Variants in NRCAM observed in about 807,000 individuals in gnomAD.
NRCAM encodes the protein NgCAM-related cell adhesion molecule.
A neutral mutation model predicts 156.5 loss-of-function variants in NRCAM; 83 were observed. The observed-to-expected ratio is 0.53, with a 90% CI of 0.44 to 0.64. The LOEUF (loss-of-function observed/expected upper bound fraction) is 0.64, where lower values mean the gene tolerates loss of function less well. Ranked by LOEUF, NRCAM falls within the 30% of genes least tolerant of loss-of-function variation. NRCAM has a pLI of 0.00. For synonymous variants in NRCAM, 538 were observed against 563.9 expected, an observed-to-expected ratio of 0.95 and a Z score of 0.65; for missense variants, 1,417 against 1,597.3, an observed-to-expected ratio of 0.89 and a Z score of 1.92.
At chr7:108,295,958 G>A (rs2098446481) in intron 3 of NRCAM, among the ~76,000 whole-genome samples, 1 of 152,226 alleles carries the variant, frequency 6.6e-6, no homozygotes, top group African/African-American at 2.4e-5. Context: ...GCACATGACT[G>A]CATTTGAAAA....
chr7:108,339,518 G>T (rs945427483), intron 2 of NRCAM, among the ~76,000 whole-genome samples: 1 of 152,182 alleles, frequency 6.6e-6, no homozygotes, highest in Non-Finnish European at 1.5e-5. Flanking sequence ...CAGGAATGCA[G>T]CCTAGCTCTA....
intron 1 of NRCAM, among the ~76,000 whole-genome samples, chr7:108,411,688 C>T (rs1795531540): frequency 6.6e-6 from 1 of 152,104 alleles, no homozygotes; most frequent in Non-Finnish European, 1.5e-5. Flanking sequence ...CGCCACCACG[C>T]CCGGCTAATT....
At chr7:108,342,072 T>C (rs1249059320) in intron 2 of NRCAM, among the ~76,000 whole-genome samples, 2 of 152,252 alleles carry the variant, frequency 1.3e-5, no homozygotes, top group Non-Finnish European at 2.9e-5. Flanking sequence ...TGGACTGTTT[T>C]ACCCCAAGGG....
chr7:108,192,648 G>A (rs2072698158), intron 17 of NRCAM, among the ~76,000 whole-genome samples: 1 of 152,012 alleles, frequency 6.6e-6, no homozygotes, highest in South Asian at 2.1e-4. Flanking sequence ...CTTTACTAAG[G>A]CTTTTGCTGC....
intron 14 of NRCAM, among the ~76,000 whole-genome samples, chr7:108,196,280 G>T (rs538776128): frequency 6.6e-6 from 1 of 152,190 alleles, no homozygotes; most frequent in South Asian, 2.1e-4. Context: ...GCAGAGTGAT[G>T]AGTGTGATGG....
intron 2 of NRCAM, among the ~76,000 whole-genome samples, chr7:108,346,095 A>C (rs1422594063): frequency 6.6e-6 from 1 of 152,190 alleles, no homozygotes; most frequent in African/African-American, 2.4e-5. Flanking sequence ...CTCAGGTAAG[A>C]AATTATGCAG....
intron 3 of NRCAM, among the ~76,000 whole-genome samples, chr7:108,306,127 T>C (rs527863250): frequency 1.3e-5 from 2 of 152,176 alleles, no homozygotes; most frequent in Admixed American, 6.6e-5. Flanking sequence ...AAGCAGACCT[T>C]TGAATAGTCT....
chr7:108,407,263 T>C (rs1468313745), intron 1 of NRCAM, among the ~76,000 whole-genome samples: 1 of 152,240 alleles, frequency 6.6e-6, no homozygotes, highest in East Asian at 1.9e-4. Context: ...TCATTTTTAG[T>C]GTCTGAATGA....
At chr7:108,331,630 A>G (rs1003546278) in intron 2 of NRCAM, among the ~76,000 whole-genome samples, 4 of 152,208 alleles carry the variant, frequency 2.6e-5, no homozygotes, top group African/African-American at 9.6e-5. Context: ...TGCCTGGCAC[A>G]TAGCAGATGC....
chr7:108,408,905 G>A (rs1014170567), intron 1 of NRCAM, among the ~76,000 whole-genome samples: 1 of 152,106 alleles, frequency 6.6e-6, no homozygotes, highest in African/African-American at 2.4e-5. Flanking sequence ...AGGAGAACTG[G>A]GACTGTCACC....
intron 11 of NRCAM, among the ~76,000 whole-genome samples, chr7:108,218,328 CCTT>C (rs761623943): frequency 3.9e-5 from 6 of 152,176 alleles, no homozygotes; most frequent in Non-Finnish European, 7.3e-5. Context: ...AAATCACCCA[CCTT>C]CTGCATCGAT....
At chr7:108,446,559 C>T (rs1042850923) in intron 1 of NRCAM, among the ~76,000 whole-genome samples, 2 of 152,228 alleles carry the variant, frequency 1.3e-5, no homozygotes, top group East Asian at 1.9e-4. Flanking sequence ...GGATGGTTTC[C>T]GAAGTTAGGA....
At chr7:108,317,322 T>A (rs1011424495) in intron 2 of NRCAM, among the ~76,000 whole-genome samples, 3 of 152,242 alleles carry the variant, frequency 2.0e-5, no homozygotes, top group Admixed American at 6.5e-5. Flanking sequence ...TCTATGTCTA[T>A]AATCTAGGAA....
intron 3 of NRCAM, among the ~76,000 whole-genome samples, chr7:108,283,508 G>A (rs377105991): frequency 2.0e-5 from 3 of 152,150 alleles, no homozygotes; most frequent in Admixed American, 6.5e-5. Context: ...CAGGAGATGC[G>A]AATGAGGGGC....
At chr7:108,188,134 A>G (rs1017761663) in intron 20 of NRCAM, among the ~76,000 whole-genome samples, 1 of 152,176 alleles carries the variant, frequency 6.6e-6, no homozygotes, top group Non-Finnish European at 1.5e-5. Context: ...ACTACAGTAT[A>G]GTATAGCTCT....
chr7:108,356,635 C>T (rs907298192), intron 2 of NRCAM, among the ~76,000 whole-genome samples: 2 of 151,964 alleles, frequency 1.3e-5, no homozygotes, highest in African/African-American at 2.4e-5. Flanking sequence ...TACAGCCTGC[C>T]GAAATACAGC....
chr7:108,323,875 G>C (rs1345129086), intron 2 of NRCAM, among the ~76,000 whole-genome samples: 1 of 152,160 alleles, frequency 6.6e-6, no homozygotes, highest in Non-Finnish European at 1.5e-5. Context: ...AGATTTGAGG[G>C]CTGTGAATGT....
At chr7:108,281,166 A>G (rs2154089440) in intron 3 of NRCAM, among the ~76,000 whole-genome samples, 1 of 152,238 alleles carries the variant, frequency 6.6e-6, no homozygotes, top group East Asian at 1.9e-4. Context: ...TTTCCTCTTA[A>G]CCTGATGAAA....
At chr7:108,309,223 C>A (rs1231727789) in intron 3 of NRCAM, among the ~76,000 whole-genome samples, 1 of 152,140 alleles carries the variant, frequency 6.6e-6, no homozygotes, top group Non-Finnish European at 1.5e-5. Flanking sequence ...CTGTGCCTTG[C>A]CTTCATGCTA....
Sources: allele counts gnomAD v4.1 joint callset (sites outside exome capture counted in the v4.1 genomes callset), GRCh38; gene constraint gnomAD v4.1.1; transcripts MANE v1.5; gene names NCBI Gene and HGNC (gene_info 2026-07-23, HGNC 2026-07-21).